Variants in FAF1 observed in about 807,000 individuals in gnomAD.
The protein encoded by FAF1 is FAS-associated factor 1.
FAF1 carries 25 observed loss-of-function variants against 92.5 expected under a neutral mutation model. That is an observed-to-expected ratio of 0.27 (90% CI 0.20 to 0.38). FAF1 has a LOEUF of 0.38. Ranked by LOEUF, FAF1 falls within the 10% of genes least tolerant of loss-of-function variation. The pLI, the probability that FAF1 is intolerant of heterozygous loss-of-function variation, is 1.00. For missense variants in FAF1, 636 were observed against 793.3 expected (o/e 0.80, Z 2.38); for synonymous variants, 234 against 273.2 (o/e 0.86, Z 1.42).
intron 13 of FAF1, among the ~76,000 whole-genome samples, chr1:50,543,220 T>C (rs1335216675): frequency 6.6e-6 from 1 of 152,164 alleles, no homozygotes; most frequent in Non-Finnish European, 1.5e-5. Context: ...TAAGTCATAA[T>C]TACCTAAGTC....
intron 4 of FAF1, among the ~76,000 whole-genome samples, chr1:50,747,201 T>C (rs903138555): frequency 9.2e-5 from 14 of 152,274 alleles, no homozygotes; most frequent in South Asian, 4.1e-4. Context: ...CCTGGAATGA[T>C]AGATCCACTA....
intron 2 of FAF1, among the ~76,000 whole-genome samples, chr1:50,849,358 T>A (rs1037186007): frequency 1.1e-4 from 16 of 151,088 alleles, no homozygotes; most frequent in African/African-American, 3.4e-4. Context: ...AGCAGAAGTT[T>A]GAAAAAGGGT....
chr1:50,624,832 C>G (rs1653416564), intron 8 of FAF1, among the ~76,000 whole-genome samples: 1 of 151,864 alleles, frequency 6.6e-6, no homozygotes, highest in Middle Eastern at 3.2e-3. Context: ...TGATTGTTAA[C>G]CTTCTCCATT....
chr1:50,751,909 T>C (rs975985228), intron 4 of FAF1, among the ~76,000 whole-genome samples: 2 of 152,236 alleles, frequency 1.3e-5, no homozygotes, highest in African/African-American at 2.4e-5. Context: ...CCTTAAATAT[T>C]AGACAGAATT....
At chr1:50,844,236 T>C (rs1374691129) in intron 2 of FAF1, among the ~76,000 whole-genome samples, 1 of 152,192 alleles carries the variant, frequency 6.6e-6, no homozygotes, top group Non-Finnish European at 1.5e-5. Flanking sequence ...TATTTGTTTT[T>C]CTGCAGTTGA....
At chr1:50,953,028 C>CTCCATTTT (rs1427100922) in intron 1 of FAF1, among the ~76,000 whole-genome samples, 1 of 152,194 alleles carries the variant, frequency 6.6e-6, no homozygotes. Flanking sequence ...ACATAGGAGA[C>CTCCATTTT]TCCATTTTGT....
At chr1:50,506,464 C>T (rs1647059642) in intron 15 of FAF1, among the ~76,000 whole-genome samples, 1 of 152,138 alleles carries the variant, frequency 6.6e-6, no homozygotes, top group African/African-American at 2.4e-5. Flanking sequence ...CAGGCAAAAT[C>T]ACATTCATCT....
At chr1:50,518,179 CT>C in intron 15 of FAF1, among the ~76,000 whole-genome samples, 1 of 152,282 alleles carries the variant, frequency 6.6e-6, no homozygotes, top group South Asian at 2.1e-4. Flanking sequence ...ACACTTTTAC[CT>C]TTTCAAAAAC....
chr1:50,449,489 C>CTTTTTTTTTT (rs373425527), intron 18 of FAF1, among the ~76,000 whole-genome samples: 5 of 124,616 alleles, frequency 4.0e-5, no homozygotes, highest in Admixed American at 7.9e-5. Context: ...CTTTTTCTTT[C>CTTTTTTTTTT]TTTTTTTTTT....
intron 4 of FAF1, among the ~76,000 whole-genome samples, chr1:50,758,647 C>T (rs116519860): frequency 0.013 from 1,973 of 152,230 alleles, 42 homozygotes; most frequent in African/African-American, 0.043. Flanking sequence ...CATCTGTTAT[C>T]GTTTTCTTTC....
At position 50,536,493 on chromosome 1, in the gene FAF1, G is replaced by A. The variant is rs186302530; in HGVS notation, c.1406-1036C>T. 1.4e-3 allele frequency among the ~76,000 whole-genome samples: 216 copies of A among 152,230 alleles called. 1 individual carries two copies. The highest frequency in any genetic ancestry group is 4.9e-3 in the African/African-American group (204 of 41,528). On this transcript the variant is annotated intron_variant, in intron 14 of 18. Coordinates refer to ENST00000396153, the MANE Select transcript of FAF1 (RefSeq NM_007051.3). ...CATTCTTGCTGGCATTTTTCCAGAG[G>A]GCTTGACTAACATGATCTTTCAGTG...
chr1:50,466,735 G>A (rs1646501090), intron 18 of FAF1, among the ~76,000 whole-genome samples: 1 of 152,054 alleles, frequency 6.6e-6, no homozygotes. Flanking sequence ...AAGCTCCTTC[G>A]CCTGGTATTC....
rs1007266265 is a variant in FAF1 at position 50,798,432 on chromosome 1, T to C, written c.161+3199A>G. Among the ~76,000 whole-genome samples the C allele has an allele frequency of 3.9e-5, 6 of 152,336 alleles. No homozygotes were observed. The South Asian group carries it at 6.2e-4, about 16-fold the overall frequency. The stretch of plus-strand genomic sequence containing the variant: ...AAACATAGCATCAGCTCTCCAGTTA[T>C]ACAAGTAATTCACTAACATTTCTTC... On this transcript the variant is annotated intron_variant, in intron 3 of 18. Coordinates refer to ENST00000396153, the MANE Select transcript of FAF1 (RefSeq NM_007051.3).
chr1:50,767,780 T>C (rs768200735), intron 4 of FAF1, among the ~76,000 whole-genome samples: 1 of 152,204 alleles, frequency 6.6e-6, no homozygotes, highest in Non-Finnish European at 1.5e-5. Flanking sequence ...ACCTGCCTTA[T>C]AGACACTCCT....
At chr1:50,449,372 G>T (rs1490653260) in intron 18 of FAF1, among the ~76,000 whole-genome samples, 1 of 151,980 alleles carries the variant, frequency 6.6e-6, no homozygotes, top group African/African-American at 2.4e-5. Context: ...GTACTCTGAG[G>T]CATATTTATG....
chr1:50,758,446 C>T lies in FAF1; in HGVS notation c.368-13671G>A, dbSNP rs144826891. Among the ~76,000 whole-genome samples, 146 of 152,368 alleles carry T rather than the reference C, an allele frequency of 9.6e-4. 3 individuals are homozygous for T. In the East Asian group the frequency reaches 0.024, roughly 25 times the overall value. On this transcript the variant is annotated intron_variant, in intron 4 of 18. Coordinates refer to ENST00000396153, the MANE Select transcript of FAF1 (RefSeq NM_007051.3). ...ACTTCTAGTTCCCTTTCCTATTCTT[C>T]ATGTTATTGTTGTCATACCTGTACT...
chr1:50,658,347 C>A lies in FAF1; in HGVS notation c.658-2819G>T, dbSNP rs1655219312. Among the ~76,000 whole-genome samples, 3 of 151,972 alleles carry A rather than the reference C, an allele frequency of 2.0e-5. 1 individual carries two copies. The South Asian group carries it at 6.2e-4, about 32-fold the overall frequency. On this transcript the variant is annotated intron_variant, in intron 7 of 18. Transcript: ENST00000396153. ...TCCTTTTGGAAAGGCCGCAAAGCTA[C>A]CCTAGCATTGTAAAGTACACACAAA...
At chr1:50,648,787 G>A (rs1246340710) in intron 8 of FAF1, among the ~76,000 whole-genome samples, 1 of 152,172 alleles carries the variant, frequency 6.6e-6, no homozygotes, top group African/African-American at 2.4e-5. Context: ...TCAGCTGGGT[G>A]TGGTGGCGCA....
At chr1:50,926,224 AAAAC>A (rs898258801) in intron 1 of FAF1, among the ~76,000 whole-genome samples, 5 of 152,166 alleles carry the variant, frequency 3.3e-5, no homozygotes, top group African/African-American at 7.2e-5. Context: ...CTAAACATAA[AAAAC>A]AAACAAACAA....
Sources: allele counts gnomAD v4.1 joint callset (sites outside exome capture counted in the v4.1 genomes callset), GRCh38; gene constraint gnomAD v4.1.1; transcripts MANE v1.5; gene names NCBI Gene and HGNC (gene_info 2026-07-23, HGNC 2026-07-21).